DPP6: variants seen among roughly 807,000 people sequenced by gnomAD.
DPP6 encodes A-type potassium channel modulatory protein DPP6.
Under a neutral mutation model 122.6 loss-of-function variants are expected in DPP6, and 69 were observed. That is an observed-to-expected ratio of 0.56 (90% CI 0.46 to 0.69). The LOEUF is 0.69. DPP6 is among the 30% of genes least tolerant of loss of function. The pLI is 0.00. For missense variants in DPP6, 928 were observed against 1,116.9 expected (o/e 0.83, Z 2.41); for synonymous variants, 418 against 433.1 (o/e 0.97, Z 0.43).
chr7:154,676,122 A>AT (rs1213663352), intron 7 of DPP6, among the ~76,000 whole-genome samples: 1 of 118,896 alleles, frequency 8.4e-6, no homozygotes, highest in Admixed American at 7.8e-5. Context: ...GCCTTGCAGC[A>AT]TGCTGTCTGG....
At chr7:154,059,781 T>C (rs1801407616) in intron 1 of DPP6, among the ~76,000 whole-genome samples, 1 of 151,420 alleles carries the variant, frequency 6.6e-6, no homozygotes, top group East Asian at 1.9e-4. Context: ...GCTGGACTTT[T>C]AACCCAAACT....
At chr7:154,682,181 G>T (rs552228709) in intron 7 of DPP6, among the ~76,000 whole-genome samples, 66 of 152,358 alleles carry the variant, frequency 4.3e-4, no homozygotes, top group Admixed American at 1.3e-3. Context: ...AGTTCAGATT[G>T]TGAGCAATAC....
the DPP6 span, among the ~76,000 whole-genome samples, chr7:153,867,650 C>T: frequency 6.6e-6 from 1 of 152,210 alleles, no homozygotes; most frequent in Admixed American, 6.5e-5. Context: ...ATTTCCTTCT[C>T]CTGCCTGATT....
chr7:153,935,289 G>A (rs1043673889), intron 1 of DPP6, among the ~76,000 whole-genome samples: 2 of 152,092 alleles, frequency 1.3e-5, no homozygotes, highest in African/African-American at 2.4e-5. Flanking sequence ...GAGTCATGAG[G>A]GGCCCTGTCC....
At chr7:154,344,281 A>T (rs1033577807) in intron 1 of DPP6, among the ~76,000 whole-genome samples, 10 of 152,176 alleles carry the variant, frequency 6.6e-5, no homozygotes, top group African/African-American at 2.4e-4. Context: ...GTAAGAAGTA[A>T]ATTTTCTAAC....
chr7:154,572,535 T>TTTTTTTTTTTTTTTTC (rs1831188514), intron 5 of DPP6, among the ~76,000 whole-genome samples: 2 of 121,806 alleles, frequency 1.6e-5, no homozygotes, highest in Non-Finnish European at 3.4e-5. Context: ...TTTTTTTTTT[T>TTTTTTTTTTTTTTTTC]TGGTGGTGTC....
At chr7:154,000,093 T>C (rs1797625827) in intron 1 of DPP6, among the ~76,000 whole-genome samples, 1 of 152,080 alleles carries the variant, frequency 6.6e-6, no homozygotes, top group South Asian at 2.1e-4. Flanking sequence ...GTGTTTAGTG[T>C]CTGGATGAAG....
chr7:153,829,361 G>A, the DPP6 span, among the ~76,000 whole-genome samples: 1 of 152,064 alleles, frequency 6.6e-6, no homozygotes, highest in East Asian at 1.9e-4. Context: ...GATTACAGGT[G>A]CATGCCACCA....
chr7:154,522,005 C>T (rs1827021660), intron 3 of DPP6, among the ~76,000 whole-genome samples: 1 of 152,006 alleles, frequency 6.6e-6, no homozygotes, highest in East Asian at 1.9e-4. Context: ...TGCTCTGTCC[C>T]GCAGGCTGGA....
At chr7:153,908,029 GTTTTTTT>G (rs34826354) in intron 1 of DPP6, among the ~76,000 whole-genome samples, 4 of 113,916 alleles carry the variant, frequency 3.5e-5, no homozygotes, top group Non-Finnish European at 7.1e-5. Context: ...GAGGCTGGAA[GTTTTTTT>G]TTTTTTTTTT....
chr7:154,739,594 G>A (rs1018447153), intron 8 of DPP6, among the ~76,000 whole-genome samples: 2 of 152,192 alleles, frequency 1.3e-5, no homozygotes, highest in African/African-American at 4.8e-5. Context: ...AAAAGCTAGG[G>A]TGTGTAACGT....
intron 1 of DPP6, among the ~76,000 whole-genome samples, chr7:154,013,493 T>C (rs1798253495): frequency 6.6e-6 from 1 of 151,232 alleles, no homozygotes; most frequent in African/African-American, 2.4e-5. Context: ...CAGGTCTTTG[T>C]TCTAGAAGTT....
intron 1 of DPP6, among the ~76,000 whole-genome samples, chr7:154,078,446 T>C (rs1262377254): frequency 6.6e-6 from 1 of 151,914 alleles, no homozygotes; most frequent in Non-Finnish European, 1.5e-5. Context: ...TGAAGCAAGA[T>C]TCCAAAATGT....
At chr7:153,825,638 C>T in the DPP6 span, among the ~76,000 whole-genome samples, 2 of 152,176 alleles carry the variant, frequency 1.3e-5, no homozygotes, top group Non-Finnish European at 2.9e-5. Context: ...CAGCTCACTG[C>T]AACCTCTGCC....
At chr7:154,238,336 T>A (rs535761609) in intron 1 of DPP6, among the ~76,000 whole-genome samples, 2 of 152,306 alleles carry the variant, frequency 1.3e-5, no homozygotes, top group East Asian at 3.9e-4. Flanking sequence ...TGAAATAATA[T>A]TGACACATAT....
intron 1 of DPP6, among the ~76,000 whole-genome samples, chr7:154,156,403 A>G (rs1206573965): frequency 6.6e-6 from 1 of 152,130 alleles, no homozygotes; most frequent in Non-Finnish European, 1.5e-5. Flanking sequence ...ACATTAATAT[A>G]CCCTCTCCCA....
chr7:154,320,643 G>C (rs1426660960), intron 1 of DPP6, among the ~76,000 whole-genome samples: 1 of 151,998 alleles, frequency 6.6e-6, no homozygotes, highest in Non-Finnish European at 1.5e-5. Flanking sequence ...TGCCACCATG[G>C]CCAGCTAATT....
chr7:154,566,790 C>A, intron 4 of DPP6, 52 bp from the exon 5 acceptor site: 1 of 1,043,984 alleles, frequency 9.6e-7, no homozygotes, highest in South Asian at 1.5e-5. Flanking sequence ...TTATAAGATT[C>A]TGACTTGTTG....
chr7:154,343,633 T>A (rs887271825), intron 1 of DPP6, among the ~76,000 whole-genome samples: 5 of 152,228 alleles, frequency 3.3e-5, no homozygotes, highest in Non-Finnish European at 5.9e-5. Flanking sequence ...CTGGCTGGAG[T>A]GCAATGGTGC....
Sources: gnomAD v4.1 joint callset for allele counts (sites outside exome capture counted in the v4.1 genomes callset) on GRCh38, gnomAD v4.1.1 for gene constraint, MANE v1.5 for transcripts, NCBI Gene and HGNC (gene_info 2026-07-23, HGNC 2026-07-21) for gene names.